The following PSME4 variants were observed in gnomAD, a reference collection of about 807,000 sequenced individuals.
PSME4 encodes the protein proteasome activator subunit 4.
Under a neutral mutation model 253.9 loss-of-function variants are expected in PSME4, and 89 were observed. That is an observed-to-expected ratio of 0.35 (90% CI 0.30 to 0.42). PSME4 has a LOEUF of 0.42. Among genes scored for constraint, PSME4 ranks in the 10% least tolerant of loss-of-function variants. The pLI is 1.00. For missense variants in PSME4, 2,014 were observed against 2,195.2 expected (o/e 0.92, Z 1.65); for synonymous variants, 851 against 759.2 (o/e 1.12, Z -1.99).
chr2:53,953,489 A>T (rs1238589434), intron 1 of PSME4, among the ~76,000 whole-genome samples: 1 of 132 alleles, frequency 7.6e-3, no homozygotes, highest in Admixed American at 0.25. Flanking sequence ...ATGTCTATTA[A>T]AAAAAAAAAA....
intron 4 of PSME4, among the ~76,000 whole-genome samples, chr2:53,938,017 A>G (rs1313253891): frequency 6.6e-6 from 1 of 152,060 alleles, no homozygotes; most frequent in Non-Finnish European, 1.5e-5. Flanking sequence ...ATTCCCCATC[A>G]TACTTGGGAT....
At chr2:53,940,951 A>AAATATT (rs1558413599) in intron 3 of PSME4, among the ~76,000 whole-genome samples, 1 of 16,506 alleles carries the variant, frequency 6.1e-5, no homozygotes, top group Non-Finnish European at 1.0e-4. Flanking sequence ...ATATATATAT[A>AAATATT]CATATATATA....
intron 26 of PSME4, among the ~76,000 whole-genome samples, chr2:53,906,248 G>T (rs1320697912): frequency 2.0e-5 from 3 of 152,170 alleles, no homozygotes; most frequent in Non-Finnish European, 2.9e-5. Flanking sequence ...AAATGTGATT[G>T]AAGTGCCAGC....
At chr2:53,940,980 T>TATATACATATTTAA (rs1669418758) in intron 3 of PSME4, among the ~76,000 whole-genome samples, 3 of 73,292 alleles carry the variant, frequency 4.1e-5, no homozygotes, top group South Asian at 1.1e-3. Context: ...TATATATATA[T>TATATACATATTTAA]ATATATATAT....
At chr2:53,895,899 A>G (rs1661030540) in intron 32 of PSME4, among the ~76,000 whole-genome samples, 163 bp from the exon 33 acceptor site, 1 of 152,308 alleles carries the variant, frequency 6.6e-6, no homozygotes, top group East Asian at 1.9e-4. Flanking sequence ...CACATTTCAA[A>G]ACAGAGTAGA....
In PSME4 at chr2:53,899,991, C is replaced by T. The variant is rs777665874; in HGVS notation, c.3312G>A (p.Ala1104=). The T allele has an allele frequency of 6.2e-6, 10 of 1,612,782 alleles. No homozygotes were observed. Among genetic ancestry groups the T allele is most frequent in the Middle Eastern group, 1.6e-4 (1 of 6,070 alleles). ...GGTTTTTTGACTGTTGAAGTAATTC[C>T]GCTATTTCAACACATGACTTTGGAA... is the stretch of plus-strand genomic sequence containing the variant. ...FTIPKSCVEI[A]ELLQQSKNPS... is the part of the protein sequence containing the mutation. The change falls in exon 29 of 47, where the codon GCG becomes GCA. Residue 1104 remains alanine, a synonymous_variant. Transcript: ENST00000404125.
chr2:53,952,649 C>G (rs1670051324), intron 1 of PSME4, among the ~76,000 whole-genome samples: 1 of 152,218 alleles, frequency 6.6e-6, no homozygotes, highest in Non-Finnish European at 1.5e-5. Context: ...GTACTCTAAG[C>G]CAGCAGTCCC....
chr2:53,937,648 T>C, intron 4 of PSME4, 108 bp from the exon 5 acceptor site: 1 of 1,010,320 alleles, frequency 9.9e-7, no homozygotes, highest in Non-Finnish European at 1.5e-6. Flanking sequence ...ATATATGTCA[T>C]AGCATGTAAC....
rs1668851629 is a variant in PSME4 at position 53,931,974 on chromosome 2, C to T, written c.1177G>A (p.Val393Ile). Reference protein sequence around the residue: ...PDSHKLTDQDVTDFVQCIIQP... With the variant: ...PDSHKLTDQDITDFVQCIIQP... ...ATAATGCATTGTACAAAGTCTGTAA[C>T]ATCTTGATCAGTAAGCTTGTGGCTA... Residue 393 changes from valine (V) to isoleucine (I), a missense_variant, in exon 10 of 47, where the codon GTT becomes ATT. This residue lies in a region of PSME4 where 615 missense variants were observed against 594.4 expected (regional missense o/e 1.03). Coordinates refer to ENST00000404125, the MANE Select transcript of PSME4 (RefSeq NM_014614.3). 6.2e-7 allele frequency: 1 copy of T among 1,614,130 alleles called. No homozygotes were observed. The highest frequency in any genetic ancestry group is 2.2e-5 in the East Asian group (1 of 44,884).
chr2:53,871,777 G>A (rs1241056748), intron 43 of PSME4, among the ~76,000 whole-genome samples: 1 of 151,994 alleles, frequency 6.6e-6, no homozygotes, highest in Non-Finnish European at 1.5e-5. Flanking sequence ...ACTTTGGGAG[G>A]CCCAGGCGGG....
chr2:53,934,529 C>G, intron 8 of PSME4, 76 bp downstream of exon 8: 2 of 1,449,284 alleles, frequency 1.4e-6, no homozygotes, highest in Non-Finnish European at 9.4e-7. Flanking sequence ...TCAACTTCTG[C>G]GACTATCCAC....
At position 53,936,843 on chromosome 2, in the gene PSME4, G is replaced by A; in HGVS notation, c.696-16C>T. On this transcript the variant is annotated splice_polypyrimidine_tract_variant and intron_variant, in intron 5 of 46. Transcript: ENST00000404125. Reference sequence around the variant, plus strand: ...AAACCAAAGTCTAAAGAAGAAAAATGTTGTTATGAATAGCAAGTGATTTTA... The same window carrying A: ...AAACCAAAGTCTAAAGAAGAAAAATATTGTTATGAATAGCAAGTGATTTTA... 1.3e-6 allele frequency: 2 copies of A among 1,564,738 alleles called. No individual in the cohort carries two copies. The highest frequency in any genetic ancestry group is 1.2e-5 in the South Asian group (1 of 85,122).
At chr2:53,949,985 C>T (rs1669900667) in intron 1 of PSME4, among the ~76,000 whole-genome samples, 1 of 152,164 alleles carries the variant, frequency 6.6e-6, no homozygotes, top group Non-Finnish European at 1.5e-5. Context: ...TCAATTGAGA[C>T]ATAACCAGGC....
At chr2:53,867,653 G>A (rs1481318607) in intron 44 of PSME4, among the ~76,000 whole-genome samples, 1 of 136,274 alleles carries the variant, frequency 7.3e-6, no homozygotes, top group African/African-American at 2.8e-5. Flanking sequence ...GAGGGCGATA[G>A]AGGAAGACCT....
intron 17 of PSME4, among the ~76,000 whole-genome samples, chr2:53,921,567 T>C (rs533288428): frequency 3.8e-4 from 53 of 140,470 alleles, no homozygotes; most frequent in African/African-American, 1.2e-3. Flanking sequence ...CTGAAAAAAA[T>C]GATAAAGAAA....
At chr2:53,941,053 T>G (rs866271688) in intron 3 of PSME4, among the ~76,000 whole-genome samples, 3 of 132,640 alleles carry the variant, frequency 2.3e-5, no homozygotes, top group Non-Finnish European at 4.8e-5. Context: ...TTATTAAGCT[T>G]TTTGAAATTC....
At chr2:53,970,279 A>C (rs1194279397) in intron 1 of PSME4, among the ~76,000 whole-genome samples, 2 of 152,166 alleles carry the variant, frequency 1.3e-5, no homozygotes, top group Admixed American at 6.5e-5. Context: ...CCAGGTGGGA[A>C]GACAACAACC....
chr2:53,880,449 A>G (rs1679330866), intron 41 of PSME4, among the ~76,000 whole-genome samples: 1 of 152,088 alleles, frequency 6.6e-6, no homozygotes, highest in African/African-American at 2.4e-5. Context: ...ATGCAGATAC[A>G]TCTCTTTTGC....
intron 3 of PSME4, among the ~76,000 whole-genome samples, chr2:53,941,512 G>C (rs13422941): frequency 0.015 from 2,209 of 151,574 alleles, 58 homozygotes; most frequent in African/African-American, 0.051. Context: ...TTTATTTCTG[G>C]GCACTTCCAA....
Sources: gnomAD v4.1 joint callset for allele counts (sites outside exome capture counted in the v4.1 genomes callset) on GRCh38, gnomAD v4.1.1 for gene constraint, gnomAD v4.1.1 regional missense constraint, MANE v1.5 for transcripts, NCBI Gene and HGNC (gene_info 2026-07-23, HGNC 2026-07-21) for gene names.